Variants in KIF16B observed in about 807,000 individuals in gnomAD.
KIF16B encodes kinesin-like protein KIF16B.
In KIF16B, 98 loss-of-function variants were observed where a neutral mutation model predicts 156.3. That is an observed-to-expected ratio of 0.63 (90% confidence interval 0.53 to 0.74). KIF16B has a LOEUF of 0.74. Among genes scored for constraint, KIF16B ranks in the 30% least tolerant of loss-of-function variants. The probability of loss-of-function intolerance (pLI) is 0.00; values close to 1 mark genes in which losing one functional copy is unlikely to be tolerated. For synonymous variants in KIF16B, 564 were observed against 583.7 expected, an observed-to-expected ratio of 0.97 and a Z score of 0.49; for missense variants, 1,421 against 1,606.5, an observed-to-expected ratio of 0.88 and a Z score of 1.97.
At chr20:16,573,109 G>A (rs78834911) in intron 1 of KIF16B, 120 bp downstream of exon 1, 190,171 of 965,108 alleles carry the variant, frequency 0.2, 20,709 homozygotes, top group Non-Finnish European at 0.22. Context: ...GCCTGGGCCC[G>A]GTGGGCCAGG....
chr20:16,498,752 T>C, intron 10 of KIF16B, among the ~76,000 whole-genome samples: 1 of 151,990 alleles, frequency 6.6e-6, no homozygotes, highest in Non-Finnish European at 1.5e-5. Context: ...CATGGCTCTA[T>C]GAATAGAATA....
intron 25 of KIF16B, among the ~76,000 whole-genome samples, chr20:16,282,126 G>C (rs1006106919): frequency 6.6e-6 from 1 of 151,150 alleles, no homozygotes; most frequent in Non-Finnish European, 1.5e-5. Context: ...CCGCCTCCCA[G>C]GTTCAAGCAA....
rs140224803 is a variant in KIF16B at position 16,478,706 on chromosome 20, G to A, written c.1302+15585C>T. On this transcript the variant is annotated intron_variant, in intron 12 of 25. Coordinates refer to ENST00000354981, the MANE Select transcript of KIF16B (RefSeq NM_024704.5). ...GTCACCCTTATTTTAATTGTTCATG[G>A]CCCCAAAGCACAAGAGTAATGATGC... Among the ~76,000 whole-genome samples, 841 of 152,100 alleles carry A rather than the reference G, an allele frequency of 5.5e-3. 20 individuals carry two copies. The South Asian group carries it at 0.077, about 14-fold the overall frequency.
rs115803427 is a variant in KIF16B, at chr20:16,535,857, G to T, written c.48-7417C>A. Among the ~76,000 whole-genome samples, 401 of 152,308 alleles carry T rather than the reference G, an allele frequency of 2.6e-3. 4 individuals carry two copies. Among genetic ancestry groups the T allele is most frequent in the African/African-American group, 9.4e-3 (391 of 41,570 alleles). ...GACAAGAAATAACAGATGCTGGCAA[G>T]CATGCTAAGAAAAGAGAACTCTTAT... On this transcript the variant is annotated intron_variant, in intron 1 of 25. Transcript: ENST00000354981.
intron 12 of KIF16B, among the ~76,000 whole-genome samples, chr20:16,485,210 T>G (rs978780639): frequency 6.6e-6 from 1 of 152,196 alleles, no homozygotes; most frequent in Admixed American, 6.5e-5. Context: ...ACCAGCCATG[T>G]GAGTCCATCT....
chr20:16,464,061 A>C (rs565907267), intron 12 of KIF16B, among the ~76,000 whole-genome samples: 4 of 152,282 alleles, frequency 2.6e-5, no homozygotes, highest in Admixed American at 6.5e-5. Context: ...AGCCCAGTAC[A>C]TTTTGTTAAA....
chr20:16,520,121 C>A (rs543497023), intron 3 of KIF16B, among the ~76,000 whole-genome samples: 1 of 145,220 alleles, frequency 6.9e-6, no homozygotes, highest in Non-Finnish European at 1.5e-5. Flanking sequence ...GAGCTAGCTG[C>A]AGGAGTTTTT....
At chr20:16,357,526 C>T (rs928684666) in intron 22 of KIF16B, among the ~76,000 whole-genome samples, 1 of 152,186 alleles carries the variant, frequency 6.6e-6, no homozygotes, top group Non-Finnish European at 1.5e-5. Flanking sequence ...ATGAACACTT[C>T]ACACATATGT....
At chr20:16,492,203 C>T (rs931079586) in intron 12 of KIF16B, among the ~76,000 whole-genome samples, 3 of 152,102 alleles carry the variant, frequency 2.0e-5, no homozygotes, top group Non-Finnish European at 4.4e-5. Flanking sequence ...AGCAGAAATA[C>T]GGGAAAGGAT....
At chr20:16,452,695 C>T (rs953938631) in intron 12 of KIF16B, among the ~76,000 whole-genome samples, 5 of 151,822 alleles carry the variant, frequency 3.3e-5, no homozygotes, top group Admixed American at 6.6e-5. Flanking sequence ...ATTAGCTGGG[C>T]GTGGTGGTGG....
chr20:16,408,011 C>T (rs1235570961), intron 15 of KIF16B, among the ~76,000 whole-genome samples: 1 of 152,150 alleles, frequency 6.6e-6, no homozygotes, highest in Non-Finnish European at 1.5e-5. Context: ...TGGTTGACCA[C>T]AGTCACTAGC....
rs1432829917 is a variant in KIF16B, at chr20:16,406,389, G to A, written c.1680C>T (p.Leu560=). Residue 560 remains leucine (L), a synonymous_variant, in exon 16 of 26, where the codon CTC becomes CTT. Transcript: ENST00000354981. ...RFNHPKEAAK[L]REKRKSGLLS... ...TGTCCCTCACCTTCCTCTTCTCCCT[G>A]AGCTTGGCGGCTTCCTTTGGATGGT... The A allele has an allele frequency of 2.5e-6, 4 of 1,613,394 alleles. No homozygotes were observed. Among genetic ancestry groups the A allele is most frequent in the South Asian group, 1.1e-5 (1 of 91,054 alleles).
At chr20:16,361,646 A>T (rs564165836) in intron 22 of KIF16B, among the ~76,000 whole-genome samples, 1 of 152,306 alleles carries the variant, frequency 6.6e-6, no homozygotes, top group African/African-American at 2.4e-5. Flanking sequence ...AGTCTGGAAG[A>T]CTCACATCAG....
intron 2 of KIF16B, among the ~76,000 whole-genome samples, chr20:16,527,688 C>A (rs951080220): frequency 7.9e-5 from 12 of 152,084 alleles, no homozygotes; most frequent in African/African-American, 2.9e-4. Context: ...GTGATCCTCC[C>A]ATCTCAGCCT....
chr20:16,306,817 C>T (rs767387913), intron 25 of KIF16B, among the ~76,000 whole-genome samples: 10 of 152,104 alleles, frequency 6.6e-5, no homozygotes, highest in Non-Finnish European at 1.2e-4. Context: ...CGAACATTTT[C>T]GAGTGTTTTT....
intron 10 of KIF16B, among the ~76,000 whole-genome samples, chr20:16,501,825 G>A (rs1036224353): frequency 2.0e-5 from 3 of 152,128 alleles, no homozygotes; most frequent in Admixed American, 6.6e-5. Flanking sequence ...GCCTGTAGAG[G>A]TCAGGAGAGT....
chr20:16,273,491 G>T, intron 25 of KIF16B, 80 bp from the exon 26 acceptor site: 1 of 1,163,834 alleles, frequency 8.6e-7, no homozygotes, highest in Non-Finnish European at 1.3e-6. Context: ...AGGAGTTTGA[G>T]ACCAGTCCAG....
intron 25 of KIF16B, among the ~76,000 whole-genome samples, chr20:16,311,896 A>G (rs1219733635): frequency 1.3e-5 from 2 of 151,936 alleles, no homozygotes; most frequent in African/African-American, 4.8e-5. Flanking sequence ...GTCAAATGAA[A>G]CCTACCCATG....
chr20:16,378,771 C>A, intron 19 of KIF16B, 34 bp downstream of exon 19: 1 of 1,534,852 alleles, frequency 6.5e-7, no homozygotes, highest in South Asian at 1.3e-5. Flanking sequence ...ATTTGGCACC[C>A]ACTGTATGCC....
Sources: gnomAD v4.1 joint callset for allele counts (sites outside exome capture counted in the v4.1 genomes callset) on GRCh38, gnomAD v4.1.1 for gene constraint, MANE v1.5 for transcripts, NCBI Gene and HGNC (gene_info 2026-07-23, HGNC 2026-07-21) for gene names.